OVOL2: variants seen among roughly 807,000 people sequenced by gnomAD.
The protein encoded by OVOL2 is ovo like zinc finger 2.
A neutral mutation model predicts 18.1 loss-of-function variants in OVOL2; 13 were observed. The observed-to-expected ratio is 0.72, with a 90% CI of 0.47 to 1.14. The LOEUF (loss-of-function observed/expected upper bound fraction) is 1.14. Among genes scored for constraint, OVOL2 ranks in the 50% most tolerant of loss-of-function variants. The pLI is 0.00. For missense variants in OVOL2, 335 were observed against 383.0 expected (o/e 0.87, Z 1.05); for synonymous variants, 166 against 162.7 (o/e 1.02, Z -0.16).
In OVOL2 at chr20:18,034,626, TTCTC is replaced by T. The variant is rs11466923; in HGVS notation, c.511+6904_511+6907del. Among the ~76,000 whole-genome samples the T allele has an allele frequency of 3.7e-3, 515 of 137,962 alleles. 4 individuals are homozygous for T. Among genetic ancestry groups the T allele is most frequent in the African/African-American group, 0.013 (439 of 34,956 alleles). 90.5% of individuals were successfully genotyped at this position (137,962 alleles called of 152,430 possible). Reference sequence around the variant, plus strand: ...TTTAACTAACACTCCCTTCCCCTCTTTCTCTCTCTCTCTCTCTCTCTCTCTCACA... The same window carrying T: ...TTTAACTAACACTCCCTTCCCCTCTTTCTCTCTCTCTCTCTCTCTCTCACA... On this transcript the variant is annotated intron_variant, in intron 3 of 3. Coordinates refer to ENST00000278780, the MANE Select transcript of OVOL2 (RefSeq NM_021220.4).
chr20:18,046,871 AAACTT>A (rs2036727735), intron 2 of OVOL2, among the ~76,000 whole-genome samples: 1 of 152,174 alleles, frequency 6.6e-6, no homozygotes, highest in African/African-American at 2.4e-5. Context: ...GTACTAGACT[AAACTT>A]AATTACATCT....
rs2036844516 is a variant in OVOL2, at chr20:18,057,748, G to C, written c.-114C>G. On this transcript the variant is annotated 5_prime_UTR_variant, in exon 1 of 4. Transcript: ENST00000278780. The surrounding 1 kb of genome is among the most constrained non-coding windows in gnomAD (Gnocchi z 6.3). ...CGGCCAGAGCCCACCTTCCCGCCTC[G>C]CCTGCCCTCTTCCTCCACCCCCCGC... 5.2e-5 allele frequency: 74 copies of C among 1,429,080 alleles called. 2 individuals are homozygous for C. The South Asian group carries it at 1.1e-3, about 21-fold the overall frequency. 88.5% of individuals were successfully genotyped at this position (1,429,080 alleles called of 1,614,324 possible). A position where few individuals can be genotyped will look rare whatever the true frequency, so the allele number is the denominator to read the frequency against.
At chr20:18,041,266 C>T (rs1977476) in intron 3 of OVOL2, among the ~76,000 whole-genome samples, 22,943 of 151,916 alleles carry the variant, frequency 0.15, 1,790 homozygotes, top group African/African-American at 0.17. Context: ...CAGGTTCAAG[C>T]GATTCTCCTG....
rs1173969682 is a variant in OVOL2, at chr20:18,057,155, C to T, written c.101-278G>A. Among the ~76,000 whole-genome samples, 2 of 150,776 alleles carry T rather than the reference C, an allele frequency of 1.3e-5. No individual in the cohort carries two copies. The highest frequency in any genetic ancestry group is 3.0e-5 in the Non-Finnish European group (2 of 67,652). The stretch of plus-strand genomic sequence containing the variant: ...CCGCGCGCCAAGTTTCCTCTCAGGG[C>T]GGGGGAGGCGGATCTGACCTCTCCC... On this transcript the variant is annotated intron_variant, in intron 1 of 3. Transcript: ENST00000278780. The surrounding 1 kb of genome is among the most constrained non-coding windows in gnomAD (Gnocchi z 6.3).
chr20:18,046,920 G>C (rs1269300929), intron 2 of OVOL2, among the ~76,000 whole-genome samples: 1 of 150,854 alleles, frequency 6.6e-6, no homozygotes, highest in Non-Finnish European at 1.5e-5. Context: ...TAGTGGAATA[G>C]AGAGACAATA....
intron 2 of OVOL2, among the ~76,000 whole-genome samples, chr20:18,046,012 C>T (rs1178225717): frequency 1.3e-5 from 2 of 152,140 alleles, no homozygotes; most frequent in Non-Finnish European, 2.9e-5. Flanking sequence ...GCACACCCTC[C>T]AATCCATTAA....
intron 3 of OVOL2, among the ~76,000 whole-genome samples, chr20:18,027,084 A>AC (rs1423984303): frequency 6.8e-6 from 1 of 147,282 alleles, no homozygotes; most frequent in Non-Finnish European, 1.5e-5. Flanking sequence ...CTGCACATGC[A>AC]CCCCCTGAAT....
At chr20:18,047,937 A>G (rs1424299098) in intron 2 of OVOL2, among the ~76,000 whole-genome samples, 1 of 151,600 alleles carries the variant, frequency 6.6e-6, no homozygotes, top group Non-Finnish European at 1.5e-5. Context: ...AAGTCCTATT[A>G]TAGTTAGACC....
chr20:18,029,211 T>A (rs1343671735), intron 3 of OVOL2, among the ~76,000 whole-genome samples: 2 of 152,020 alleles, frequency 1.3e-5, no homozygotes, highest in Non-Finnish European at 2.9e-5. Flanking sequence ...ATTTTTTTAG[T>A]AGAGACCGGG....
At chr20:18,053,750 A>G (rs1397325360) in intron 2 of OVOL2, among the ~76,000 whole-genome samples, 1 of 150,490 alleles carries the variant, frequency 6.6e-6, no homozygotes. Context: ...TCCTTCTTAC[A>G]TCATCCAGAG....
chr20:18,053,156 C>T (rs1205384231), intron 2 of OVOL2, among the ~76,000 whole-genome samples: 1 of 152,236 alleles, frequency 6.6e-6, no homozygotes, highest in Admixed American at 6.5e-5. Context: ...CACCCATCAA[C>T]ACGATCAAGT....
chr20:18,042,566 C>T (rs962302282), intron 2 of OVOL2, among the ~76,000 whole-genome samples: 3 of 151,802 alleles, frequency 2.0e-5, no homozygotes, highest in African/African-American at 2.4e-5. Context: ...CACCTGAGGT[C>T]GGGAATTTGA....
chr20:18,052,779 A>C (rs1319160229), intron 2 of OVOL2, among the ~76,000 whole-genome samples: 1 of 152,236 alleles, frequency 6.6e-6, no homozygotes, highest in Non-Finnish European at 1.5e-5. Context: ...GGACAAATTC[A>C]CTTGGTACTC....
chr20:18,044,488 C>T (rs569151112), intron 2 of OVOL2, among the ~76,000 whole-genome samples: 1 of 152,272 alleles, frequency 6.6e-6, no homozygotes, highest in African/African-American at 2.4e-5. Flanking sequence ...AGGCACAAGA[C>T]CCCAGAACAG....
chr20:18,036,952 A>C (rs928063135), intron 3 of OVOL2, among the ~76,000 whole-genome samples: 1 of 151,826 alleles, frequency 6.6e-6, no homozygotes, highest in Non-Finnish European at 1.5e-5. Flanking sequence ...CTGGCTAACA[A>C]GGTGAAACCC....
intron 2 of OVOL2, among the ~76,000 whole-genome samples, chr20:18,054,021 C>T (rs1340743425): frequency 6.6e-6 from 1 of 152,192 alleles, no homozygotes; most frequent in Non-Finnish European, 1.5e-5. Flanking sequence ...CCACTCAAAT[C>T]GGTCACGTCT....
intron 3 of OVOL2, among the ~76,000 whole-genome samples, chr20:18,028,199 C>T (rs113677319): frequency 0.041 from 6,161 of 152,002 alleles, 178 homozygotes; most frequent in African/African-American, 0.074. Flanking sequence ...TTTTTTGAGA[C>T]TGAGTCTTGC....
intron 2 of OVOL2, among the ~76,000 whole-genome samples, chr20:18,046,138 T>C (rs376425913): frequency 6.6e-6 from 1 of 152,340 alleles, no homozygotes; most frequent in East Asian, 1.9e-4. Context: ...CAAAAAATCA[T>C]GGCTGACAAA....
intron 2 of OVOL2, among the ~76,000 whole-genome samples, chr20:18,053,400 C>T (rs181892577): frequency 5.9e-4 from 90 of 152,174 alleles, no homozygotes; most frequent in African/African-American, 1.8e-3. Context: ...TGAACACAGC[C>T]GTTAAGAGGG....
Sources: allele counts gnomAD v4.1 joint callset (sites outside exome capture counted in the v4.1 genomes callset), GRCh38; gene constraint gnomAD v4.1.1; non-coding constraint Gnocchi (gnomAD v3.1); transcripts MANE v1.5; gene names NCBI Gene and HGNC (gene_info 2026-07-23, HGNC 2026-07-21).